The following ADCY3 variants were observed in gnomAD, a reference collection of about 807,000 sequenced individuals.
The protein encoded by ADCY3 is adenylate cyclase type 3.
Under a neutral mutation model 119.4 loss-of-function variants are expected in ADCY3, and 70 were observed. The ratio of observed to expected loss-of-function variants is 0.59; its 90% CI spans 0.48 to 0.72. The LOEUF is 0.72. Among genes scored for constraint, ADCY3 ranks in the 30% least tolerant of loss-of-function variants. ADCY3 has a pLI of 0.00. For missense variants in ADCY3, 1,238 were observed against 1,541.6 expected, an observed-to-expected ratio of 0.80 and a Z score of 3.30; for synonymous variants, 672 against 621.4, an observed-to-expected ratio of 1.08 and a Z score of -1.21.
intron 2 of ADCY3, among the ~76,000 whole-genome samples, chr2:24,907,562 G>C (rs145649945): frequency 1.2e-3 from 181 of 152,230 alleles, no homozygotes; most frequent in Non-Finnish European, 2.2e-3. Flanking sequence ...CTAGAAGAAA[G>C]GACTGAAAAC....
In ADCY3 at chr2:24,842,465, C is replaced by T. The variant is rs202105677; in HGVS notation, c.826-81G>A. 37 of 1,560,810 alleles carry T rather than the reference C, an allele frequency of 2.4e-5. No homozygotes were observed. Among genetic ancestry groups the T allele is most frequent in the East Asian group, 1.8e-4 (8 of 43,944 alleles). ...CAGATACTTCTGGGAAGAAATGCCC[C>T]GATCCTGGCAAGAAACGTGAGCAGG... On this transcript the variant is annotated intron_variant, in intron 3 of 21. Transcript: ENST00000679454. This position sits in a 1 kb window ranked among gnomAD's most constrained non-coding sequence, Gnocchi z 4.9.
In ADCY3 at chr2:24,841,557, G is replaced by A. The variant is rs768527181; in HGVS notation, c.1067C>T (p.Ala356Val). 1.2e-6 allele frequency: 2 copies of A among 1,612,166 alleles called. No individual in the cohort carries two copies. Among genetic ancestry groups the A allele is most frequent in the Non-Finnish European group, 8.5e-7 (1 of 1,179,424 alleles). ...AGCCAGGCGGGGCCAGGGACTTACA[G>A]CTGCCAGCTTGTCAAAGCGGGCAAA... is the stretch of plus-strand genomic sequence containing the variant. ...ELFARFDKLA[A>V]KYHQLRIKIL... Residue 356 changes from alanine (A) to valine (V), a missense_variant and splice_region_variant, in exon 5 of 22, where the codon GCT becomes GTT. Ala to Val is a moderately conservative substitution (Grantham distance 64). Coordinates refer to ENST00000679454, the MANE Select transcript of ADCY3 (RefSeq NM_004036.5). This position sits in a 1 kb window ranked among gnomAD's most constrained non-coding sequence, Gnocchi z 5.8.
At chr2:24,906,575 T>C (rs1233918319) in intron 2 of ADCY3, among the ~76,000 whole-genome samples, 1 of 152,172 alleles carries the variant, frequency 6.6e-6, no homozygotes, top group African/African-American at 2.4e-5. Flanking sequence ...CAGTAGAAAA[T>C]GTGCCTGTGG....
chr2:24,870,333 A>G (rs1021318575), intron 3 of ADCY3, among the ~76,000 whole-genome samples: 1 of 151,594 alleles, frequency 6.6e-6, no homozygotes, highest in Non-Finnish European at 1.5e-5. Flanking sequence ...AAAAAAAAAA[A>G]AAAAAAAGAA....
intron 2 of ADCY3, among the ~76,000 whole-genome samples, chr2:24,906,239 G>A (rs1679431110): frequency 6.6e-6 from 1 of 151,908 alleles, no homozygotes; most frequent in African/African-American, 2.4e-5. Flanking sequence ...CCCAGGAGGT[G>A]GAGGTTTCAG....
At chr2:24,835,299 G>A (rs1346441562) in intron 9 of ADCY3, among the ~76,000 whole-genome samples, 1 of 152,200 alleles carries the variant, frequency 6.6e-6, no homozygotes, top group East Asian at 1.9e-4. Context: ...CTGTATTGAT[G>A]TGGGGGCCAT....
chr2:24,910,700 C>T (rs1350322256), intron 2 of ADCY3, among the ~76,000 whole-genome samples: 2 of 146,660 alleles, frequency 1.4e-5, no homozygotes, highest in Admixed American at 7.0e-5. Flanking sequence ...CTCCCTCTGT[C>T]ACCAGGCACA....
chr2:24,819,917 C>A lies in ADCY3; in HGVS notation c.*15G>T. 2 of 1,611,526 alleles carry A rather than the reference C, an allele frequency of 1.2e-6. No homozygotes were observed. The highest frequency in any genetic ancestry group is 1.7e-6 in the Non-Finnish European group (2 of 1,179,138). The stretch of plus-strand genomic sequence containing the variant: ...TTCTCCCTTCCGGTTTGGACTGTTG[C>A]AGGCTCGAGGCCATTCAGGAGTTGT... On this transcript the variant is annotated 3_prime_UTR_variant, in exon 22 of 22. Coordinates refer to ENST00000679454, the MANE Select transcript of ADCY3 (RefSeq NM_004036.5).
chr2:24,860,788 A>C (rs1359699543), intron 3 of ADCY3, among the ~76,000 whole-genome samples: 1 of 152,188 alleles, frequency 6.6e-6, no homozygotes, highest in Non-Finnish European at 1.5e-5. Flanking sequence ...AACAGAAGGT[A>C]CAACTTCCCA....
Position 24,872,066 on chromosome 2 carries a change from C to A in ADCY3, c.825+504G>T, listed in dbSNP as rs1241043923. Reference sequence around the variant, plus strand: ...TGTGAGGCTGACACACTTCACCCAGCAGGGCCCTGAGGCCGCAGGATGGGT... The same window carrying A: ...TGTGAGGCTGACACACTTCACCCAGAAGGGCCCTGAGGCCGCAGGATGGGT... On this transcript the variant is annotated intron_variant, in intron 3 of 21. Coordinates refer to ENST00000679454, the MANE Select transcript of ADCY3 (RefSeq NM_004036.5). The surrounding 1 kb of genome is among the most constrained non-coding windows in gnomAD (Gnocchi z 4.4). 9.9e-5 allele frequency among the ~76,000 whole-genome samples: 15 copies of A among 152,202 alleles called. No individual in the cohort carries two copies. Among genetic ancestry groups the A allele is most frequent in the Admixed American group, 9.8e-4 (15 of 15,284 alleles).
chr2:24,853,252 G>A (rs1672596483), intron 3 of ADCY3, among the ~76,000 whole-genome samples: 1 of 152,090 alleles, frequency 6.6e-6, no homozygotes, highest in East Asian at 1.9e-4. Context: ...CTCAGGACAC[G>A]ACGTATGGCG....
chr2:24,900,705 G>A (rs1678808022), intron 2 of ADCY3, among the ~76,000 whole-genome samples: 1 of 152,214 alleles, frequency 6.6e-6, no homozygotes, highest in Admixed American at 6.5e-5. Flanking sequence ...GAGCAACATA[G>A]CTGAATTCAA....
chr2:24,878,735 T>C lies in ADCY3; in HGVS notation c.676-6016A>G, dbSNP rs1224675538. Among the ~76,000 whole-genome samples, 2 of 152,130 alleles carry C rather than the reference T, an allele frequency of 1.3e-5. No homozygotes were observed. The highest frequency in any genetic ancestry group is 1.9e-4 in the East Asian group (1 of 5,182). On this transcript the variant is annotated intron_variant, in intron 2 of 21. Transcript: ENST00000679454. The surrounding 1 kb of genome is among the most constrained non-coding windows in gnomAD (Gnocchi z 4.0). The stretch of plus-strand genomic sequence containing the variant: ...CTGTGAGGCCGCCACTCAGCACAGA[T>C]GGGTCCCACTTCTGGGGCCACTCTC...
chr2:24,869,180 C>T (rs1674670925), intron 3 of ADCY3, among the ~76,000 whole-genome samples: 1 of 151,898 alleles, frequency 6.6e-6, no homozygotes, highest in South Asian at 2.1e-4. Context: ...AAAAAAGGAA[C>T]ATCATTACCC....
intron 9 of ADCY3, 88 bp downstream of exon 9, chr2:24,836,829 C>T: frequency 2.0e-6 from 3 of 1,521,836 alleles, no homozygotes; most frequent in Non-Finnish European, 2.6e-6. Flanking sequence ...CTCCCCAGCA[C>T]AGGACTCCTG....
Position 24,878,619 on chromosome 2 carries a change from C to G in ADCY3, c.676-5900G>C, listed in dbSNP as rs929201274. 6.6e-6 allele frequency among the ~76,000 whole-genome samples: 1 copy of G among 152,160 alleles called. No homozygotes were observed. The highest frequency in any genetic ancestry group is 2.4e-5 in the African/African-American group (1 of 41,432). On this transcript the variant is annotated intron_variant, in intron 2 of 21. Transcript: ENST00000679454. This position sits in a 1 kb window ranked among gnomAD's most constrained non-coding sequence, Gnocchi z 4.0. ...TTACTCAGATGCTTTAGGAAAAAGT[C>G]TCCTAGCAGCCATGGGGCAGGAAGG...
At position 24,834,542 on chromosome 2, in the gene ADCY3, C is replaced by G. The variant is rs1456724184; in HGVS notation, c.1910G>C (p.Ser637Thr). Residue 637 changes from serine (S) to threonine (T), a missense_variant, in exon 11 of 22, where the codon AGC (serine) becomes ACC (threonine). By Grantham distance (58) the Ser-to-Thr change is moderately conservative (BLOSUM62 1). Transcript: ENST00000679454. This position sits in a 1 kb window ranked among gnomAD's most constrained non-coding sequence, Gnocchi z 4.2. The stretch of plus-strand genomic sequence containing the variant: ...GCAGAGCAGGACGACGCAGGAGCAG[C>G]TGAAGGCAGCCCCACTCTGCTTCTC... ...EKEKQSGAAF[S>T]CSCVVLLCTA... is the part of the protein sequence containing the mutation. 1.2e-6 allele frequency: 2 copies of G among 1,613,960 alleles called. No homozygotes were observed. Among genetic ancestry groups the G allele is most frequent in the East Asian group, 4.5e-5 (2 of 44,868 alleles).
intron 3 of ADCY3, among the ~76,000 whole-genome samples, chr2:24,871,065 C>T (rs574151138): frequency 2.6e-5 from 4 of 151,934 alleles, no homozygotes; most frequent in Admixed American, 6.5e-5. Flanking sequence ...TCAATGCAGA[C>T]AGACATGCTG....
In ADCY3 at chr2:24,819,841, G is replaced by T. The variant is rs1667274801; in HGVS notation, c.*91C>A. The stretch of plus-strand genomic sequence containing the variant: ...GTTTCTAAACCTAAAGTCCATGAGT[G>T]TGCACTTCAATCCAGGAAGGTCGGG... On this transcript the variant is annotated 3_prime_UTR_variant, in exon 22 of 22. Transcript: ENST00000679454. 7.4e-7 allele frequency: 1 copy of T among 1,358,518 alleles called. No individual in the cohort carries two copies. Among genetic ancestry groups the T allele is most frequent in the Admixed American group, 2.2e-5 (1 of 45,862 alleles). The allele number at this position is 1,358,518 out of a possible 1,614,324, so 84.2% of individuals were successfully genotyped here. A position where few individuals can be genotyped will look rare whatever the true frequency, so the allele number is the denominator to read the frequency against.
Sources: gnomAD v4.1 joint callset for allele counts (sites outside exome capture counted in the v4.1 genomes callset) on GRCh38, gnomAD v4.1.1 for gene constraint, Gnocchi (gnomAD v3.1) non-coding constraint, MANE v1.5 for transcripts, NCBI Gene and HGNC (gene_info 2026-07-23, HGNC 2026-07-21) for gene names.